AIDA: variants seen among roughly 807,000 people sequenced by gnomAD.
AIDA encodes the protein axin interactor, dorsalization associated.
In AIDA, 18 loss-of-function variants were observed where a neutral mutation model predicts 42.7. The ratio of observed to expected loss-of-function variants is 0.42; its 90% CI spans 0.29 to 0.63. The LOEUF (loss-of-function observed/expected upper bound fraction) is 0.63. Among genes scored for constraint, AIDA ranks in the 20% least tolerant of loss-of-function variants. The pLI, the probability that AIDA is intolerant of heterozygous loss-of-function variation, is 0.19. For synonymous variants in AIDA, 104 were observed against 122.9 expected, an observed-to-expected ratio of 0.85 and a Z score of 1.02; for missense variants, 250 against 354.1, an observed-to-expected ratio of 0.71 and a Z score of 2.36.
At chr1:222,687,762 T>C (rs1655240928) in intron 4 of AIDA, 104 bp from the exon 5 acceptor site, 5 of 892,848 alleles carry the variant, frequency 5.6e-6, no homozygotes, top group Non-Finnish European at 6.4e-6. Context: ...CATATTAATA[T>C]ATATAAATTC....
Position 222,676,114 on chromosome 1 carries a change from T to G in AIDA, c.565A>C (p.Ile189Leu), listed in dbSNP as rs1664538614. The G allele has an allele frequency of 1.2e-6, 2 of 1,609,530 alleles. No homozygotes were observed. Among genetic ancestry groups the G allele is most frequent in the Non-Finnish European group, 1.7e-6 (2 of 1,178,450 alleles). ...KDAGQCIDPY[I>L]TVSVKDLNGI... is the part of the protein sequence containing the mutation. ...CACTTACCCTTTACACTAACTGTAA[T>G]ATAGGGATCGATGCACTGCCCAGCA... The change falls in exon 7 of 10, where the codon ATT becomes CTT. Residue 189 changes from isoleucine to leucine, a missense_variant. By Grantham distance (5) the Ile-to-Leu change is conservative. Around this residue, in one of 4 missense-constraint regions of AIDA, gnomAD observed 199 missense variants for 232.6 expected, o/e 0.86. Transcript: ENST00000340020.
chr1:222,703,051 G>C, intron 2 of AIDA, 97 bp downstream of exon 2: 1 of 923,726 alleles, frequency 1.1e-6, no homozygotes, highest in Non-Finnish European at 1.6e-6. Flanking sequence ...ACAGTTTTTT[G>C]TTTTTGTTTT....
intron 1 of AIDA, among the ~76,000 whole-genome samples, chr1:222,708,141 T>C (rs970638696): frequency 5.3e-5 from 8 of 151,848 alleles, no homozygotes; most frequent in African/African-American, 1.7e-4. Context: ...AAACCCCGTC[T>C]CTACTAAAAA....
At chr1:222,674,052 A>G (rs1664502614) in intron 7 of AIDA, among the ~76,000 whole-genome samples, 1 of 152,216 alleles carries the variant, frequency 6.6e-6, no homozygotes, top group Non-Finnish European at 1.5e-5. Flanking sequence ...GCGCCACTGC[A>G]CTCCAGCCTG....
intron 6 of AIDA, among the ~76,000 whole-genome samples, chr1:222,686,729 G>A (rs1026067747): frequency 6.6e-6 from 1 of 152,100 alleles, no homozygotes; most frequent in African/African-American, 2.4e-5. Context: ...ACATGGGAAT[G>A]GTCCTGAGGA....
chr1:222,686,384 TC>T (rs1655182945), intron 6 of AIDA, among the ~76,000 whole-genome samples: 1 of 152,184 alleles, frequency 6.6e-6, no homozygotes, highest in Non-Finnish European at 1.5e-5. Context: ...ACATCTTGTT[TC>T]TTCTGTAGTC....
chr1:222,700,977 G>T (rs978683792), intron 2 of AIDA, among the ~76,000 whole-genome samples: 5 of 146,212 alleles, frequency 3.4e-5, no homozygotes, highest in South Asian at 2.2e-4. Flanking sequence ...TTTTTGGGGG[G>T]GGGGGGACAG....
chr1:222,700,976 G>T (rs566531120), intron 2 of AIDA, among the ~76,000 whole-genome samples: 27 of 146,818 alleles, frequency 1.8e-4, no homozygotes, highest in Non-Finnish European at 3.2e-4. Flanking sequence ...TTTTTTGGGG[G>T]GGGGGGGACA....
chr1:222,673,047 G>A (rs1465623424), intron 8 of AIDA, among the ~76,000 whole-genome samples: 1 of 152,152 alleles, frequency 6.6e-6, no homozygotes, highest in African/African-American at 2.4e-5. Context: ...GCCCTTTAGT[G>A]TGTGAAAAAC....
In AIDA at chr1:222,687,670, A is replaced by C. The variant is rs1190132383; in HGVS notation, c.290-12T>G. ...AATATTCTTTAGGACTAGAATAAGAAGATAAAGAAACATGAATTCTTCCAT... is the reference window on the plus strand; with the variant it reads ...AATATTCTTTAGGACTAGAATAAGACGATAAAGAAACATGAATTCTTCCAT... On this transcript the variant is annotated splice_polypyrimidine_tract_variant and intron_variant, in intron 4 of 9. Transcript: ENST00000340020. 1 of 1,451,898 alleles carries C rather than the reference A, an allele frequency of 6.9e-7. No individual in the cohort carries two copies. The highest frequency in any genetic ancestry group is 9.3e-7 in the Non-Finnish European group (1 of 1,075,698). The allele number at this position is 1,451,898 out of a possible 1,614,324, so 89.9% of individuals were successfully genotyped here.
intron 1 of AIDA, 29 bp downstream of exon 1, chr1:222,712,179 C>T: frequency 1.3e-6 from 2 of 1,572,784 alleles, no homozygotes; most frequent in East Asian, 2.4e-5. Context: ...TGGAGCCGGT[C>T]TGGCCTGCTC....
intron 2 of AIDA, among the ~76,000 whole-genome samples, chr1:222,702,642 T>C (rs555453162): frequency 1.3e-5 from 2 of 152,382 alleles, no homozygotes; most frequent in South Asian, 2.1e-4. Flanking sequence ...CTTGAACTAA[T>C]TGTTTTCAGT....
At position 222,674,041 on chromosome 1, in the gene AIDA, C is replaced by T. The variant is rs141277848; in HGVS notation, c.584-606G>A. 3.5e-3 allele frequency among the ~76,000 whole-genome samples: 540 copies of T among 152,182 alleles called. 3 individuals carry two copies. Among genetic ancestry groups the T allele is most frequent in the Non-Finnish European group, 5.3e-3 (359 of 68,014 alleles). ...GGCAGAGGTTGCAGTGAGCCAAGAT[C>T]GCGCCACTGCACTCCAGCCTGGGCA... On this transcript the variant is annotated intron_variant, in intron 7 of 9. Coordinates refer to ENST00000340020, the MANE Select transcript of AIDA (RefSeq NM_022831.4).
chr1:222,673,580 T>G, intron 7 of AIDA, 145 bp from the exon 8 acceptor site: 1 of 498,074 alleles, frequency 2.0e-6, no homozygotes, highest in Non-Finnish European at 3.3e-6. Context: ...ATCAAGAACA[T>G]CCTGGCTAAC....
intron 7 of AIDA, 47 bp from the exon 8 acceptor site, chr1:222,673,482 C>G: frequency 6.8e-7 from 1 of 1,480,808 alleles, no homozygotes; most frequent in Non-Finnish European, 9.0e-7. Flanking sequence ...AATATACAGA[C>G]TTAAAAACTG....
intron 1 of AIDA, among the ~76,000 whole-genome samples, chr1:222,711,156 A>G (rs567924711): frequency 6.6e-6 from 1 of 152,174 alleles, no homozygotes; most frequent in Non-Finnish European, 1.5e-5. Context: ...TGAAATCTCA[A>G]ACAATAACTT....
At chr1:222,697,798 A>T (rs1470702570) in intron 2 of AIDA, among the ~76,000 whole-genome samples, 2 of 152,076 alleles carry the variant, frequency 1.3e-5, no homozygotes, top group Non-Finnish European at 2.9e-5. Context: ...AATTTTTTAG[A>T]TTCAAACAGC....
intron 6 of AIDA, among the ~76,000 whole-genome samples, chr1:222,680,485 C>A (rs1248185284): frequency 6.6e-6 from 1 of 152,148 alleles, no homozygotes; most frequent in African/African-American, 2.4e-5. Context: ...AGCATAGAGA[C>A]AATTCTCCCT....
chr1:222,670,877 C>A (rs1483540223), intron 8 of AIDA, among the ~76,000 whole-genome samples: 1 of 152,136 alleles, frequency 6.6e-6, no homozygotes, highest in East Asian at 1.9e-4. Context: ...AAGAGCAAAT[C>A]TATTTATTCT....
Sources: gnomAD v4.1 joint callset for allele counts (sites outside exome capture counted in the v4.1 genomes callset) on GRCh38, gnomAD v4.1.1 for gene constraint, gnomAD v4.1.1 regional missense constraint, MANE v1.5 for transcripts, NCBI Gene and HGNC (gene_info 2026-07-23, HGNC 2026-07-21) for gene names.